The following RARB variants were observed in gnomAD, a reference collection of about 807,000 sequenced individuals.
The protein encoded by RARB is HBV-activated protein.
RARB carries 17 observed loss-of-function variants against 51.9 expected under a neutral mutation model. The ratio of observed to expected loss-of-function variants is 0.33; its 90% CI spans 0.22 to 0.49. The LOEUF is 0.49. Ranked by LOEUF, RARB falls within the 20% of genes least tolerant of loss-of-function variation. The pLI, the probability that RARB is intolerant of heterozygous loss-of-function variation, is 0.99. For synonymous variants in RARB, 215 were observed against 195.4 expected, an observed-to-expected ratio of 1.10 and a Z score of -0.84; for missense variants, 369 against 550.8, an observed-to-expected ratio of 0.67 and a Z score of 3.30.
At chr3:25,437,195 A>G (rs567293547) in intron 1 of RARB, among the ~76,000 whole-genome samples, 9 of 149,340 alleles carry the variant, frequency 6.0e-5, no homozygotes, top group African/African-American at 2.0e-4. Context: ...TCTATAGCTC[A>G]TAACCTAGGT....
At chr3:24,920,472 C>A (rs1326197146) in intron 2 of RARB, among the ~76,000 whole-genome samples, 1 of 152,190 alleles carries the variant, frequency 6.6e-6, no homozygotes, top group Non-Finnish European at 1.5e-5. Context: ...CCCTTGAACA[C>A]TGTAGCTTCA....
intron 1 of RARB, among the ~76,000 whole-genome samples, chr3:24,837,918 C>T (rs1702364636): frequency 6.6e-6 from 1 of 152,202 alleles, no homozygotes; most frequent in Non-Finnish European, 1.5e-5. Context: ...AAACATCACA[C>T]ATTCACTATA....
intron 3 of RARB, among the ~76,000 whole-genome samples, chr3:25,076,195 G>T (rs1250620673): frequency 6.6e-6 from 1 of 151,436 alleles, no homozygotes; most frequent in Non-Finnish European, 1.5e-5. Flanking sequence ...AGGCTGGAGT[G>T]CAGTGGTGTG....
intron 5 of RARB, among the ~76,000 whole-genome samples, chr3:25,419,619 C>A (rs1012562119): frequency 6.6e-6 from 1 of 152,092 alleles, no homozygotes; most frequent in African/African-American, 2.4e-5. Context: ...GAATGAAAAC[C>A]CGAGGACCTT....
intron 2 of RARB, among the ~76,000 whole-genome samples, chr3:24,986,383 G>A (rs1188596101): frequency 6.6e-6 from 1 of 152,162 alleles, no homozygotes; most frequent in Non-Finnish European, 1.5e-5. Flanking sequence ...GGCAGACATA[G>A]ATTAAAGATC....
rs1467575751 is a variant in RARB at position 25,233,758 on chromosome 3, T to C, written c.178+59183T>C. 4.7e-5 allele frequency among the ~76,000 whole-genome samples: 7 copies of C among 149,990 alleles called. No individual in the cohort carries two copies. The East Asian group carries it at 1.4e-3, about 29-fold the overall frequency. On this transcript the variant is annotated intron_variant, in intron 5 of 11. Coordinates refer to the RARB transcript ENST00000383772. ...TACTGGTTTGCCAGGCGTTTTTGTT[T>C]GGTTGTTGTTTTTTTTTTTTTAATC... is the stretch of plus-strand genomic sequence containing the variant.
intron 5 of RARB, among the ~76,000 whole-genome samples, chr3:25,412,322 A>G (rs1300110699): frequency 1.3e-5 from 2 of 152,218 alleles, no homozygotes; most frequent in Admixed American, 6.5e-5. Flanking sequence ...TTTTTAATTG[A>G]ATGTTGCTAT....
chr3:24,936,736 G>A (rs974102464), intron 2 of RARB, among the ~76,000 whole-genome samples: 4 of 152,196 alleles, frequency 2.6e-5, no homozygotes, highest in African/African-American at 7.2e-5. Context: ...TTTAATTATA[G>A]CACAGTACCA....
At chr3:25,253,042 A>G (rs953840641) in intron 5 of RARB, among the ~76,000 whole-genome samples, 4 of 152,210 alleles carry the variant, frequency 2.6e-5, no homozygotes, top group African/African-American at 7.2e-5. Context: ...AACTGTCTTC[A>G]TAGGCACTAG....
At chr3:24,970,977 C>G (rs1696385375) in intron 2 of RARB, among the ~76,000 whole-genome samples, 1 of 151,994 alleles carries the variant, frequency 6.6e-6, no homozygotes. Flanking sequence ...ACTGCTCACC[C>G]TGGTACTAGT....
At chr3:25,139,760 C>T (rs1051606654) in intron 4 of RARB, among the ~76,000 whole-genome samples, 2 of 152,158 alleles carry the variant, frequency 1.3e-5, no homozygotes, top group Non-Finnish European at 2.9e-5. Context: ...CTGGGACTAT[C>T]ATAGCTAAAG....
At chr3:25,073,469 A>G (rs1234625722) in intron 3 of RARB, among the ~76,000 whole-genome samples, 1 of 152,246 alleles carries the variant, frequency 6.6e-6, no homozygotes, top group Non-Finnish European at 1.5e-5. Context: ...CCATGGTTGT[A>G]ACAGTTTGAG....
rs567170879 is a variant in RARB, at chr3:25,453,924, A to G, written c.158-7269A>G. Among the ~76,000 whole-genome samples the G allele has an allele frequency of 4.6e-5, 7 of 152,362 alleles. No individual in the cohort carries two copies. The South Asian group carries it at 1.4e-3, about 32-fold the overall frequency. ...GCTTAATAATAACAAAGCCAGCAGC[A>G]GAGTAAGGCAAGATTTCAAAGCAGA... On this transcript the variant is annotated intron_variant, in intron 1 of 7. Transcript: ENST00000330688.
At chr3:25,176,326 TTTCTTTCTTTCC>T (rs1363260963) in intron 5 of RARB, among the ~76,000 whole-genome samples, 10 of 46,002 alleles carry the variant, frequency 2.2e-4, no homozygotes, top group African/African-American at 4.8e-4. Context: ...TCTTTCTTTC[TTTCTTTCTTTCC>T]TTCCTTCCTT....
intron 3 of RARB, among the ~76,000 whole-genome samples, chr3:25,504,319 T>TTTTGCTGG: frequency 6.6e-6 from 1 of 152,210 alleles, no homozygotes; most frequent in South Asian, 2.1e-4. Context: ...GTTAATCTAT[T>TTTTGCTGG]GACCCAGCAA....
chr3:25,096,149 G>A lies in RARB; in HGVS notation c.-328+35973G>A, dbSNP rs537941436. Among the ~76,000 whole-genome samples the A allele has an allele frequency of 3.3e-5, 5 of 152,172 alleles. No homozygotes were observed. In the South Asian group the frequency reaches 6.2e-4, roughly 19 times the overall value. On this transcript the variant is annotated intron_variant, in intron 3 of 11. Transcript: ENST00000383772. Reference sequence around the variant, plus strand: ...GCCCTTTGTTGCATGTTTGCTCAACGTGGCTGGTTTTTGTCATATTTTTCA... The same window carrying A: ...GCCCTTTGTTGCATGTTTGCTCAACATGGCTGGTTTTTGTCATATTTTTCA...
intron 5 of RARB, among the ~76,000 whole-genome samples, chr3:25,241,562 A>G (rs1202776572): frequency 6.6e-6 from 1 of 152,120 alleles, no homozygotes; most frequent in African/African-American, 2.4e-5. Context: ...GAGAACATGC[A>G]GTGTTTGGTT....
chr3:24,884,422 G>A (rs1703232359), intron 2 of RARB, among the ~76,000 whole-genome samples: 1 of 152,154 alleles, frequency 6.6e-6, no homozygotes, highest in Admixed American at 6.6e-5. Flanking sequence ...GCATGCAACA[G>A]GGGTGGAAAT....
At chr3:25,288,290 G>A (rs369809733) in intron 5 of RARB, among the ~76,000 whole-genome samples, 37 of 152,212 alleles carry the variant, frequency 2.4e-4, no homozygotes, top group African/African-American at 8.4e-4. Context: ...AAAAACAGCA[G>A]CAAAAGAAAT....
Sources: gnomAD v4.1 joint callset for allele counts (sites outside exome capture counted in the v4.1 genomes callset) on GRCh38, gnomAD v4.1.1 for gene constraint, MANE v1.5 for transcripts, NCBI Gene and HGNC (gene_info 2026-07-23, HGNC 2026-07-21) for gene names.